KMT2C: variants seen among roughly 807,000 people sequenced by gnomAD.
The protein encoded by KMT2C is histone-lysine N-methyltransferase 2C.
Under a neutral mutation model 507.9 loss-of-function variants are expected in KMT2C, and 88 were observed. The ratio of observed to expected loss-of-function variants is 0.17; its 90% CI spans 0.15 to 0.21. The LOEUF is 0.21. Ranked by LOEUF, KMT2C falls within the 10% of genes least tolerant of loss-of-function variation. KMT2C has a pLI of 1.00. For synonymous variants in KMT2C, 2,049 were observed against 2,080.8 expected (o/e 0.98, Z 0.42); for missense variants, 4,954 against 5,957.8 (o/e 0.83, Z 5.55).
At chr7:152,167,078 G>T in intron 42 of KMT2C, 68 bp downstream of exon 42, 1 of 1,301,254 alleles carries the variant, frequency 7.7e-7, no homozygotes, top group Non-Finnish European at 1.1e-6. Flanking sequence ...AGTCACTAAT[G>T]AACAACACAC....
At chr7:152,344,814 C>T (rs998582555) in intron 2 of KMT2C, among the ~76,000 whole-genome samples, 6 of 151,930 alleles carry the variant, frequency 3.9e-5, no homozygotes, top group East Asian at 1.9e-4. Context: ...AGTGAAACAC[C>T]GTCTCTACTA....
chr7:152,220,188 T>C (rs545418822), intron 23 of KMT2C: 80 of 276,288 alleles, frequency 2.9e-4, no homozygotes, highest in African/African-American at 1.7e-3. Context: ...TGAAACATGG[T>C]ATTATCCAAG....
Position 152,177,853 on chromosome 7 carries a change from G to A in KMT2C, c.7600C>T (p.Pro2534Ser), listed in dbSNP as rs2129115519. The stretch of plus-strand genomic sequence containing the variant: ...GAAAAATGCTGAGGAAGTCCAACTG[G>A]ATTATTCATTTGTGAGTTATTTAAA... ...RPLNNSQMNN[P>S]VGLPQHFSPQ... The change falls in exon 38 of 59, where the codon CCA becomes TCA. Residue 2534 changes from proline to serine, a missense_variant. This residue lies in a region of KMT2C where 1,689 missense variants were observed against 1,654.3 expected (regional missense o/e 1.02). Transcript: ENST00000262189. 1.9e-6 allele frequency: 3 copies of A among 1,613,528 alleles called. No individual in the cohort carries two copies. The highest frequency in any genetic ancestry group is 2.5e-6 in the Non-Finnish European group (3 of 1,179,864).
intron 1 of KMT2C, among the ~76,000 whole-genome samples, chr7:152,373,167 TA>T (rs746345693): frequency 6.6e-6 from 1 of 152,088 alleles, no homozygotes; most frequent in Non-Finnish European, 1.5e-5. Context: ...AAAAAACAGA[TA>T]TAAATGCAGT....
At chr7:152,174,105 T>G (rs765630572) in intron 39 of KMT2C, 26 bp downstream of exon 39, 2 of 1,225,614 alleles carry the variant, frequency 1.6e-6, no homozygotes, top group Admixed American at 4.2e-5. Flanking sequence ...AGATGCCCAG[T>G]AGAAACAAGC....
At chr7:152,391,622 TGCCTCC>T (rs575599182) in intron 1 of KMT2C, among the ~76,000 whole-genome samples, 87 of 149,978 alleles carry the variant, frequency 5.8e-4, no homozygotes, top group Non-Finnish European at 1.1e-3. Context: ...CTGCAACCTC[TGCCTCC>T]CAGGTTCAAG....
Position 152,238,746 on chromosome 7 carries a change from G to C in KMT2C, c.2613C>G (p.Pro871=). 3.1e-6 allele frequency: 4 copies of C among 1,291,422 alleles called. No homozygotes were observed. The highest frequency in any genetic ancestry group is 4.3e-6 in the Non-Finnish European group (4 of 937,436). The allele number at this position is 1,291,422 out of a possible 1,614,324, so 80.0% of individuals were successfully genotyped here. The change falls in exon 15 of 59, where the codon CCC becomes CCG. Residue 871 remains proline, a synonymous_variant. Transcript: ENST00000262189. ...DISEGREIFK[P]RQLPGSAIWS... ...AAATGGCACTGCCAGGAAGCTGCCT[G>C]GGTTTAAAAATTTCCCGACCTTCTG... is the stretch of plus-strand genomic sequence containing the variant.
At chr7:152,180,639 T>C (rs951563958) in intron 36 of KMT2C, 72 bp downstream of exon 36, 7 of 1,153,864 alleles carry the variant, frequency 6.1e-6, no homozygotes, top group Non-Finnish European at 8.6e-6. Context: ...TGTGTAGAAA[T>C]TACTCAGTTT....
chr7:152,392,328 T>C (rs2116557592), intron 1 of KMT2C, among the ~76,000 whole-genome samples: 1 of 152,292 alleles, frequency 6.6e-6, no homozygotes, highest in Middle Eastern at 3.4e-3. Context: ...TCAGTAAAGT[T>C]CTCCAAACTA....
chr7:152,144,685 A>G lies in KMT2C; in HGVS notation c.14343+28T>C. The G allele has an allele frequency of 6.3e-7, 1 of 1,599,410 alleles. No homozygotes were observed. Among genetic ancestry groups the G allele is most frequent in the Non-Finnish European group, 8.6e-7 (1 of 1,169,170 alleles). On this transcript the variant is annotated intron_variant, in intron 55 of 58. Transcript: ENST00000262189. This position sits in a 1 kb window ranked among gnomAD's most constrained non-coding sequence, Gnocchi z 4.4. ...TTGCTAGACTCCACCCTGTCTCTCC[A>G]CTTCCTGTACACAAAGTATTTCTTC...
chr7:152,395,131 T>C (rs1216099820), intron 1 of KMT2C, among the ~76,000 whole-genome samples: 1 of 152,192 alleles, frequency 6.6e-6, no homozygotes, highest in South Asian at 2.1e-4. Context: ...TTGGTACATG[T>C]ATAATCCCAC....
intron 24 of KMT2C, among the ~76,000 whole-genome samples, chr7:152,206,428 T>A (rs1389862825): frequency 6.6e-6 from 1 of 152,150 alleles, no homozygotes; most frequent in African/African-American, 2.4e-5. Flanking sequence ...AGGTCCTTAT[T>A]ATAGATATGA....
chr7:152,282,871 TAA>T (rs2096243757), intron 6 of KMT2C, among the ~76,000 whole-genome samples: 1 of 152,056 alleles, frequency 6.6e-6, no homozygotes, highest in African/African-American at 2.4e-5. Flanking sequence ...TTAGAAAAAT[TAA>T]GTTTTTTCTA....
intron 6 of KMT2C, among the ~76,000 whole-genome samples, chr7:152,297,090 AG>A (rs2096521767): frequency 6.6e-6 from 1 of 151,442 alleles, no homozygotes; most frequent in Admixed American, 6.6e-5. Flanking sequence ...AGAGAGAGAG[AG>A]AGAAAGAAAG....
chr7:152,300,140 T>C (rs1285950346), intron 6 of KMT2C, among the ~76,000 whole-genome samples: 1 of 152,194 alleles, frequency 6.6e-6, no homozygotes, highest in Non-Finnish European at 1.5e-5. Context: ...CTTACTATAG[T>C]CCATTAGACA....
intron 14 of KMT2C, among the ~76,000 whole-genome samples, chr7:152,243,247 T>C (rs1250473094): frequency 2.6e-5 from 4 of 152,136 alleles, no homozygotes; most frequent in African/African-American, 7.2e-5. Flanking sequence ...AACAGTAATA[T>C]CTCCAAAAAT....
intron 1 of KMT2C, among the ~76,000 whole-genome samples, chr7:152,408,870 T>C (rs576824536): frequency 1.5e-4 from 23 of 151,608 alleles, no homozygotes; most frequent in Non-Finnish European, 2.9e-4. Context: ...ATATCAAATA[T>C]CTTAGAATAG....
At chr7:152,251,172 C>T (rs1359284118) in intron 11 of KMT2C, among the ~76,000 whole-genome samples, 2 of 152,034 alleles carry the variant, frequency 1.3e-5, no homozygotes, top group Non-Finnish European at 2.9e-5. Context: ...GTGGGCCAAC[C>T]GTGGTAGTTC....
chr7:152,228,934 C>T (rs1374831817), intron 18 of KMT2C, among the ~76,000 whole-genome samples: 3 of 152,120 alleles, frequency 2.0e-5, no homozygotes, highest in Non-Finnish European at 4.4e-5. Context: ...GTATTAATTA[C>T]AATCTTTCAT....
Sources: gnomAD v4.1 joint callset for allele counts (sites outside exome capture counted in the v4.1 genomes callset) on GRCh38, gnomAD v4.1.1 for gene constraint, gnomAD v4.1.1 regional missense constraint, Gnocchi (gnomAD v3.1) non-coding constraint, MANE v1.5 for transcripts, NCBI Gene and HGNC (gene_info 2026-07-23, HGNC 2026-07-21) for gene names.